Variants in SH3RF3 observed in about 807,000 individuals in gnomAD.
The protein encoded by SH3RF3 is SH3 domain containing ring finger 3.
SH3RF3 carries 29 observed loss-of-function variants against 66.3 expected under a neutral mutation model. The ratio of observed to expected loss-of-function variants is 0.44; its 90% CI spans 0.33 to 0.60. SH3RF3 has a LOEUF of 0.60. Among genes scored for constraint, SH3RF3 ranks in the 20% least tolerant of loss-of-function variants. SH3RF3 has a pLI of 0.04. For synonymous variants in SH3RF3, 583 were observed against 532.0 expected, an observed-to-expected ratio of 1.10 and a Z score of -1.32; for missense variants, 1,194 against 1,190.9, an observed-to-expected ratio of 1.00 and a Z score of -0.04.
intron 1 of SH3RF3, among the ~76,000 whole-genome samples, chr2:109,304,092 A>G (rs1478756210): frequency 2.0e-5 from 3 of 147,354 alleles, no homozygotes; most frequent in Non-Finnish European, 4.5e-5. Flanking sequence ...CAGGAGCAAA[A>G]CTCCATCTCA....
chr2:109,297,643 C>T (rs1681348779), intron 1 of SH3RF3, among the ~76,000 whole-genome samples: 1 of 151,160 alleles, frequency 6.6e-6, no homozygotes, highest in Non-Finnish European at 1.5e-5. Flanking sequence ...CCCCATCCCA[C>T]CAGGCCAGTG....
At chr2:109,464,117 G>T (rs1678275153) in intron 8 of SH3RF3, among the ~76,000 whole-genome samples, 1 of 152,154 alleles carries the variant, frequency 6.6e-6, no homozygotes, top group African/African-American at 2.4e-5. Context: ...TTTTACAGGG[G>T]ATCATTCAGT....
At chr2:109,464,848 A>G (rs1573274038) in intron 8 of SH3RF3, among the ~76,000 whole-genome samples, 1 of 152,238 alleles carries the variant, frequency 6.6e-6, no homozygotes, top group Admixed American at 6.5e-5. Context: ...TTACGTTAGG[A>G]TTTACTCTTG....
At chr2:109,398,989 T>C in intron 4 of SH3RF3, 46 bp downstream of exon 4, 4 of 1,541,432 alleles carry the variant, frequency 2.6e-6, no homozygotes, top group Non-Finnish European at 3.5e-6. Flanking sequence ...TTCTCTGGGG[T>C]TCTATCCTCA....
At chr2:109,294,867 G>A (rs1229877982) in intron 1 of SH3RF3, among the ~76,000 whole-genome samples, 2 of 152,222 alleles carry the variant, frequency 1.3e-5, no homozygotes, top group Non-Finnish European at 2.9e-5. Flanking sequence ...CAGAGGAGGT[G>A]CTGCATGAGT....
intron 8 of SH3RF3, among the ~76,000 whole-genome samples, chr2:109,468,714 C>A (rs1341812315): frequency 6.6e-6 from 1 of 151,774 alleles, no homozygotes; most frequent in Non-Finnish European, 1.5e-5. Context: ...ATGAGCCAGG[C>A]ATGGTGGCGG....
chr2:109,371,346 C>T (rs1270638662), intron 2 of SH3RF3, among the ~76,000 whole-genome samples: 1 of 152,192 alleles, frequency 6.6e-6, no homozygotes, highest in East Asian at 1.9e-4. Flanking sequence ...GCGGAGATTG[C>T]GCCACTGCAC....
intron 1 of SH3RF3, among the ~76,000 whole-genome samples, chr2:109,324,492 T>A (rs1189249385): frequency 6.6e-6 from 1 of 152,244 alleles, no homozygotes. Context: ...TCCTAGTGGA[T>A]GTGAAGTAGT....
intron 4 of SH3RF3, among the ~76,000 whole-genome samples, chr2:109,411,341 T>C (rs1374498643): frequency 1.3e-5 from 2 of 152,228 alleles, no homozygotes; most frequent in Non-Finnish European, 2.9e-5. Context: ...CTGCAGTTAG[T>C]TCCTGCCAGG....
chr2:109,160,972 C>T (rs1574480546), intron 1 of SH3RF3, among the ~76,000 whole-genome samples: 1 of 152,032 alleles, frequency 6.6e-6, no homozygotes, highest in East Asian at 1.9e-4. Flanking sequence ...GGCAGGGGCT[C>T]AGAGAGGTGG....
chr2:109,299,129 C>T (rs1455209358), intron 1 of SH3RF3, among the ~76,000 whole-genome samples: 1 of 152,210 alleles, frequency 6.6e-6, no homozygotes, highest in Non-Finnish European at 1.5e-5. Context: ...GCCCCCTCAG[C>T]TCCTCTCCCC....
At chr2:109,280,771 G>A (rs112383803) in intron 1 of SH3RF3, among the ~76,000 whole-genome samples, 13 of 152,202 alleles carry the variant, frequency 8.5e-5, no homozygotes, top group Admixed American at 6.5e-4. Context: ...CCTCGAGGGC[G>A]CTGCAGGGTT....
In SH3RF3 at chr2:109,338,620, C is replaced by T. The variant is rs150468459; in HGVS notation, c.574-9054C>T. On this transcript the variant is annotated intron_variant, in intron 1 of 9. Coordinates refer to ENST00000309415, the MANE Select transcript of SH3RF3 (RefSeq NM_001099289.3). ...TTGCCCAGACTGGAATGCAGTGGTA[C>T]GATCTTGGCTCACTGCAACCTCTGC... Among the ~76,000 whole-genome samples the T allele has an allele frequency of 8.2e-3, 1,246 of 152,230 alleles. 16 individuals are homozygous for T. The highest frequency in any genetic ancestry group is 0.029 in the African/African-American group (1,184 of 41,508).
intron 8 of SH3RF3, among the ~76,000 whole-genome samples, chr2:109,473,848 C>A (rs1270502304): frequency 6.6e-6 from 1 of 151,900 alleles, no homozygotes; most frequent in Non-Finnish European, 1.5e-5. Flanking sequence ...TTGGGGTGTC[C>A]CTGAACCGCT....
chr2:109,425,539 T>C lies in SH3RF3; in HGVS notation c.1403+5897T>C, dbSNP rs548258121. On this transcript the variant is annotated intron_variant, in intron 5 of 9. Coordinates refer to ENST00000309415, the MANE Select transcript of SH3RF3 (RefSeq NM_001099289.3). ...CTGGTGACTCTAAGTGAAGCCAGTG[T>C]TCATTTGCCATTCCGAGAACCCTAG... Among the ~76,000 whole-genome samples the C allele has an allele frequency of 5.9e-5, 9 of 152,334 alleles. No homozygotes were observed. The South Asian group carries it at 1.9e-3, about 32-fold the overall frequency.
chr2:109,422,837 C>T (rs1035525258), intron 5 of SH3RF3, among the ~76,000 whole-genome samples: 10 of 152,174 alleles, frequency 6.6e-5, no homozygotes, highest in Admixed American at 4.6e-4. Flanking sequence ...TGTGAAGGAC[C>T]GGAGGAGGCA....
intron 3 of SH3RF3, among the ~76,000 whole-genome samples, chr2:109,374,633 C>A (rs890397979): frequency 6.6e-5 from 10 of 152,178 alleles, no homozygotes; most frequent in African/African-American, 2.4e-4. Flanking sequence ...TGATGCTTGT[C>A]CCCTGGTGCA....
At chr2:109,414,644 G>C (rs1287067864) in intron 4 of SH3RF3, among the ~76,000 whole-genome samples, 1 of 152,112 alleles carries the variant, frequency 6.6e-6, no homozygotes, top group Non-Finnish European at 1.5e-5. Flanking sequence ...CTGCTGCCCA[G>C]GCCAGTCCCT....
In SH3RF3 at chr2:109,350,444, G is replaced by A. The variant is rs80079302; in HGVS notation, c.849+2495G>A. ...TGTGGAGAATTAGAGGCCTCTGGGT[G>A]TGATCCCCAGAGGGACTTGTGCTGT... is the stretch of plus-strand genomic sequence containing the variant. On this transcript the variant is annotated intron_variant, in intron 2 of 9. Coordinates refer to ENST00000309415, the MANE Select transcript of SH3RF3 (RefSeq NM_001099289.3). Among the ~76,000 whole-genome samples, 353 of 152,296 alleles carry A rather than the reference G, an allele frequency of 2.3e-3. 5 individuals are homozygous for A. The East Asian group carries it at 0.043, about 19-fold the overall frequency.
Sources: allele counts gnomAD v4.1 joint callset (sites outside exome capture counted in the v4.1 genomes callset), GRCh38; gene constraint gnomAD v4.1.1; transcripts MANE v1.5; gene names NCBI Gene and HGNC (gene_info 2026-07-23, HGNC 2026-07-21).